The following RBM6 variants were observed in gnomAD, a reference collection of about 807,000 sequenced individuals.
The protein encoded by RBM6 is RNA binding motif protein 6.
RBM6 carries 23 observed loss-of-function variants against 140.4 expected under a neutral mutation model. That is an observed-to-expected ratio of 0.16 (90% CI 0.12 to 0.23). The LOEUF (loss-of-function observed/expected upper bound fraction) is 0.23, where lower values mean the gene tolerates loss of function less well. Ranked by LOEUF, RBM6 falls within the 10% of genes least tolerant of loss-of-function variation. The probability of loss-of-function intolerance (pLI) is 1.00; values close to 1 mark genes in which losing one functional copy is unlikely to be tolerated. For synonymous variants in RBM6, 439 were observed against 475.6 expected (o/e 0.92, Z 1.00); for missense variants, 1,139 against 1,386.7 (o/e 0.82, Z 2.84).
Position 49,999,475 on chromosome 3 carries a change from C to T in RBM6, c.1519C>T (p.Leu507Phe), listed in dbSNP as rs988372765. Residue 507 changes from leucine (L) to phenylalanine (F), a missense_variant, in exon 6 of 21, where the codon CTC becomes TTC. Coordinates refer to ENST00000266022, the MANE Select transcript of RBM6 (RefSeq NM_005777.3). The part of the protein sequence containing the change: ...DYGYVCVEFS[L>F]LEDAIGCMEA... ...TGGCTATGTCTGCGTGGAGTTTTCA[C>T]TCTTGGAAGATGCCATCGGATGCAT... 1 of 1,613,934 alleles carries T rather than the reference C, an allele frequency of 6.2e-7. No homozygotes were observed. Among genetic ancestry groups the T allele is most frequent in the Non-Finnish European group, 8.5e-7 (1 of 1,179,924 alleles).
In RBM6 at chr3:50,054,328, C is replaced by T; in HGVS notation, c.1633-7C>T. 1 of 1,606,594 alleles carries T rather than the reference C, an allele frequency of 6.2e-7. No individual in the cohort carries two copies. The highest frequency in any genetic ancestry group is 1.3e-5 in the African/African-American group (1 of 74,832). ...TTCAGTCAAATTGATTTCCTTCTTC[C>T]TTACAGTGTAAGGCAAACATTGGTG... On this transcript the variant is annotated splice_region_variant and splice_polypyrimidine_tract_variant and intron_variant, in intron 7 of 20. Coordinates refer to ENST00000266022, the MANE Select transcript of RBM6 (RefSeq NM_005777.3).
At chr3:50,051,325 G>A (rs1027616032) in intron 7 of RBM6, among the ~76,000 whole-genome samples, 2 of 152,180 alleles carry the variant, frequency 1.3e-5, no homozygotes, top group Non-Finnish European at 2.9e-5. Context: ...TCCATCCTGG[G>A]TGACAGAGCA....
intron 6 of RBM6, among the ~76,000 whole-genome samples, chr3:50,014,616 C>T (rs959674462): frequency 6.6e-6 from 1 of 152,140 alleles, no homozygotes; most frequent in African/African-American, 2.4e-5. Flanking sequence ...TTCACAGGGC[C>T]ATCTACTGGA....
At chr3:50,021,745 T>TTTTC (rs2087497034) in intron 6 of RBM6, among the ~76,000 whole-genome samples, 1 of 110,508 alleles carries the variant, frequency 9.0e-6, no homozygotes, top group Non-Finnish European at 1.8e-5. Flanking sequence ...AAGTGCTTTT[T>TTTTC]TTTTTTTTTT....
chr3:49,945,606 G>T (rs542544048), intron 1 of RBM6, among the ~76,000 whole-genome samples: 13 of 152,192 alleles, frequency 8.5e-5, no homozygotes, highest in South Asian at 2.1e-4. Context: ...AAGGGGCTGG[G>T]CGCGGGTGGC....
At chr3:50,058,303 T>C in intron 9 of RBM6, 99 bp from the exon 10 acceptor site, 1 of 1,313,084 alleles carries the variant, frequency 7.6e-7, no homozygotes, top group Non-Finnish European at 1.1e-6. Flanking sequence ...GCCTTGCTAG[T>C]AGCATCTATA....
intron 6 of RBM6, among the ~76,000 whole-genome samples, chr3:50,041,178 C>G (rs766670623): frequency 2.6e-5 from 4 of 152,188 alleles, no homozygotes; most frequent in Non-Finnish European, 5.9e-5. Flanking sequence ...TGGCAGCTGA[C>G]AGGGCAGTGT....
Position 49,968,386 on chromosome 3 carries a change from A to G in RBM6, c.961A>G (p.Thr321Ala), listed in dbSNP as rs2084607357. 6.2e-7 allele frequency: 1 copy of G among 1,614,106 alleles called. No individual in the cohort carries two copies. Among genetic ancestry groups the G allele is most frequent in the Admixed American group, 1.7e-5 (1 of 60,002 alleles). The change falls in exon 3 of 21, where the codon ACG becomes GCG. Residue 321 changes from threonine to alanine, a missense_variant. Around this residue, in one of 9 missense-constraint regions of RBM6, gnomAD observed 566 missense variants for 612.7 expected, o/e 0.92. Coordinates refer to ENST00000266022, the MANE Select transcript of RBM6 (RefSeq NM_005777.3). ...GAGAGAAGAATCCACACATGACCAT[A>G]CGATAGAAAGGCCTGCTTTTGGCAT... ...NRREESTHDH[T>A]IERPAFGIQK...
intron 6 of RBM6, among the ~76,000 whole-genome samples, chr3:50,032,205 G>A (rs947091527): frequency 6.6e-6 from 1 of 151,986 alleles, no homozygotes; most frequent in Non-Finnish European, 1.5e-5. Flanking sequence ...TTTCCAGGCC[G>A]GGCACGGTGG....
intron 6 of RBM6, among the ~76,000 whole-genome samples, chr3:50,029,279 G>T (rs1040436875): frequency 6.6e-6 from 1 of 152,200 alleles, no homozygotes; most frequent in Non-Finnish European, 1.5e-5. Context: ...CAGTTGATAT[G>T]TGAGAAGTTG....
chr3:49,995,311 A>G (rs2086033159), intron 5 of RBM6, among the ~76,000 whole-genome samples: 1 of 152,080 alleles, frequency 6.6e-6, no homozygotes, highest in Admixed American at 6.6e-5. Context: ...CACGCCTGTA[A>G]TCCCAGCACT....
At chr3:49,948,152 A>C (rs957577258) in intron 1 of RBM6, among the ~76,000 whole-genome samples, 1 of 152,122 alleles carries the variant, frequency 6.6e-6, no homozygotes, top group Non-Finnish European at 1.5e-5. Flanking sequence ...TGGTCTCTCC[A>C]TTCAGTTGAT....
chr3:49,951,633 C>T (rs984494002), intron 1 of RBM6, among the ~76,000 whole-genome samples: 8 of 150,408 alleles, frequency 5.3e-5, no homozygotes, highest in Non-Finnish European at 1.2e-4. Context: ...TGCAGTGGCA[C>T]GATCTTGGCT....
intron 6 of RBM6, among the ~76,000 whole-genome samples, chr3:50,007,109 T>C (rs2086617570): frequency 6.6e-6 from 1 of 152,050 alleles, no homozygotes; most frequent in African/African-American, 2.4e-5. Context: ...ATTTTTTTTT[T>C]TCCCATCAAC....
At chr3:50,000,749 A>G (rs752769804) in intron 6 of RBM6, among the ~76,000 whole-genome samples, 7 of 152,294 alleles carry the variant, frequency 4.6e-5, no homozygotes, top group Non-Finnish European at 1.0e-4. Flanking sequence ...AGGCTCTGCC[A>G]GAGAAGAGTA....
intron 6 of RBM6, among the ~76,000 whole-genome samples, chr3:50,046,227 G>A (rs909154778): frequency 4.7e-5 from 7 of 150,166 alleles, no homozygotes; most frequent in African/African-American, 1.7e-4. Flanking sequence ...GTTGTGGTGA[G>A]CCGAGATCGT....
intron 7 of RBM6, 64 bp from the exon 8 acceptor site, chr3:50,054,271 T>C (rs1266540213): frequency 2.2e-6 from 3 of 1,347,838 alleles, no homozygotes; most frequent in East Asian, 4.6e-5. Context: ...GGTTTCACTT[T>C]GTTAGATATA....
chr3:50,001,981 A>G (rs1279043661), intron 6 of RBM6, among the ~76,000 whole-genome samples: 1 of 152,202 alleles, frequency 6.6e-6, no homozygotes, highest in Non-Finnish European at 1.5e-5. Context: ...CGAATAATGT[A>G]TCCAGAACAC....
rs796468371 is a variant in RBM6, at chr3:49,971,267, GA to G, written c.1324-776del. ...GGGCAGCAAGAGCGAAACTCCATCT[GA>G]AAAAAAAAAAAAAAACGAAAACCAA... On this transcript the variant is annotated intron_variant, in intron 3 of 20. Coordinates refer to ENST00000266022, the MANE Select transcript of RBM6 (RefSeq NM_005777.3). Among the ~76,000 whole-genome samples, 368 of 91,664 alleles carry G rather than the reference GA, an allele frequency of 4.0e-3. 2 individuals carry two copies. Among genetic ancestry groups the G allele is most frequent in the African/African-American group, 0.012 (294 of 25,328 alleles). The allele number at this position is 91,664 out of a possible 152,430, so 60.1% of individuals were successfully genotyped here.
Sources: allele counts gnomAD v4.1 joint callset (sites outside exome capture counted in the v4.1 genomes callset), GRCh38; gene constraint gnomAD v4.1.1; regional missense constraint gnomAD v4.1.1; transcripts MANE v1.5; gene names NCBI Gene and HGNC (gene_info 2026-07-23, HGNC 2026-07-21).